CDT1: variants seen among roughly 807,000 people sequenced by gnomAD.
CDT1 encodes chromatin licensing and DNA replication factor 1.
CDT1 carries 66 observed loss-of-function variants against 49.3 expected under a neutral mutation model. That is an observed-to-expected ratio of 1.34 (90% confidence interval 1.10 to 1.64). The LOEUF (loss-of-function observed/expected upper bound fraction) is 1.64, where lower values mean the gene tolerates loss of function less well. Ranked by LOEUF, CDT1 falls within the 40% of genes most tolerant of loss-of-function variation. The pLI, the probability that CDT1 is intolerant of heterozygous loss-of-function variation, is 0.00. For synonymous variants in CDT1, 424 were observed against 347.4 expected, an observed-to-expected ratio of 1.22 and a Z score of -2.45; for missense variants, 958 against 807.7, an observed-to-expected ratio of 1.19 and a Z score of -2.26.
chr16:88,806,456 C>G (rs751930506), intron 6 of CDT1, 30 bp from the exon 7 acceptor site: 12 of 1,605,448 alleles, frequency 7.5e-6, no homozygotes, highest in Non-Finnish European at 1.0e-5. Context: ...CAGATGTGCC[C>G]AGGGTCACCC....
In CDT1 at chr16:88,804,635, C is replaced by A; in HGVS notation, c.319C>A (p.Gln107Lys). 6.2e-7 allele frequency: 1 copy of A among 1,612,622 alleles called. No individual in the cohort carries two copies. ...AAAGAAATCCACCCCGGCAGCAGGT[C>A]AGCCGCCCCACCTGACATCCGCGCA... is the stretch of plus-strand genomic sequence containing the variant. ...KIKKSTPAAG[Q>K]PPHLTSAQDQ... Residue 107 changes from glutamine (Q) to lysine (K), a missense_variant, in exon 2 of 10, where the codon CAG (glutamine) becomes AAG (lysine). By Grantham distance (53) the Gln-to-Lys change is moderately conservative. Coordinates refer to ENST00000301019, the MANE Select transcript of CDT1 (RefSeq NM_030928.4).
At chr16:88,807,529 G>T (rs1908913105) in intron 9 of CDT1, 47 bp downstream of exon 9, 11 of 1,556,296 alleles carry the variant, frequency 7.1e-6, no homozygotes, top group Non-Finnish European at 9.7e-6. Flanking sequence ...GAATTGCCTG[G>T]TGCTGCAGCT....
chr16:88,804,714 G>GGCCT (rs747751533), intron 2 of CDT1, 47 bp downstream of exon 2: 56 of 1,612,064 alleles, frequency 3.5e-5, no homozygotes, highest in South Asian at 6.6e-5. Flanking sequence ...GAGTGGTGCC[G>GGCCT]GCCTGCCTGC....
Position 88,805,572 on chromosome 16 carries a change from C to T in CDT1, c.621C>T (p.Leu207=), listed in dbSNP as rs777377390. 28 of 1,612,784 alleles carry T rather than the reference C, an allele frequency of 1.7e-5. No individual in the cohort carries two copies. The highest frequency in any genetic ancestry group is 2.2e-5 in the Non-Finnish European group (26 of 1,179,988). ...GCATGGACACCATCGTGGGCATGCT[C>T]CACAACCGCTCCGAGACGCCCACCT... ...FRSMDTIVGM[L]HNRSETPTFA... The change falls in exon 4 of 10, where the codon CTC becomes CTT. Residue 207 remains leucine (L), a synonymous_variant. Coordinates refer to ENST00000301019, the MANE Select transcript of CDT1 (RefSeq NM_030928.4).
At chr16:88,804,462 G>A in intron 1 of CDT1, 83 bp from the exon 2 acceptor site, 1 of 1,538,620 alleles carries the variant, frequency 6.5e-7, no homozygotes, top group Non-Finnish European at 8.8e-7. Context: ...AACTCAGAGC[G>A]GCTTCTGATC....
At chr16:88,807,554 C>G in intron 9 of CDT1, 72 bp downstream of exon 9, 6 of 1,376,364 alleles carry the variant, frequency 4.4e-6, no homozygotes, top group Non-Finnish European at 6.1e-6. Flanking sequence ...CCCCAGCTTT[C>G]TGAGCAGAGG....
rs753556386 is a variant in CDT1 at position 88,807,203 on chromosome 16, G to C, written c.1275G>C (p.Arg425=). ...LKGVSQDLLE[R]IRAKEAQKQL... ...GGGTGTCCCAGGATCTGCTGGAGCG[G>C]GTGAGTCGTCCCCAGTGATGGCGGG... Residue 425 remains arginine, a splice_region_variant and synonymous_variant, in exon 8 of 10, where the codon CGG becomes CGC. Transcript: ENST00000301019. 8 of 1,612,228 alleles carry C rather than the reference G, an allele frequency of 5.0e-6. No homozygotes were observed. In the African/African-American group the frequency reaches 9.3e-5, roughly 19 times the overall value.
At position 88,804,031 on chromosome 16, in the gene CDT1, G is replaced by T. The variant is rs1433286943; in HGVS notation, c.200G>T (p.Arg67Leu). Reference protein sequence around the residue: ...PGRDQARPPARRRLRLSVDEV... With the variant: ...PGRDQARPPALRRLRLSVDEV... ...CGCGACCAGGCCAGGCCACCGGCCC[G>T]CAGGAGACTGCGGCTGTCGGTGGAC... Residue 67 changes from arginine (R) to leucine (L), a missense_variant, in exon 1 of 10, where the codon CGC (arginine) becomes CTC (leucine). Physicochemically the swap from Arg to Leu is moderately radical, Grantham distance 102. Coordinates refer to ENST00000301019, the MANE Select transcript of CDT1 (RefSeq NM_030928.4). 13 of 1,456,032 alleles carry T rather than the reference G, an allele frequency of 8.9e-6. 1 individual carries two copies. The South Asian group carries it at 1.7e-4, about 19-fold the overall frequency. The allele number at this position is 1,456,032 out of a possible 1,614,324, so 90.2% of individuals were successfully genotyped here.
chr16:88,805,699 C>G (rs767280942), intron 4 of CDT1, 25 bp from the exon 5 acceptor site: 1 of 1,612,754 alleles, frequency 6.2e-7, no homozygotes, highest in Admixed American at 1.7e-5. Context: ...GGCCTGCCTC[C>G]TGAGCCGCCC....
At chr16:88,804,127 C>A in intron 1 of CDT1, 68 bp downstream of exon 1, 1 of 1,024,704 alleles carries the variant, frequency 9.8e-7, no homozygotes, top group African/African-American at 1.7e-5. Flanking sequence ...GGGGGCAGGG[C>A]TCGGGGAAAC....
chr16:88,807,239 G>A, intron 8 of CDT1, 36 bp downstream of exon 8: 1 of 1,611,068 alleles, frequency 6.2e-7, no homozygotes, highest in Non-Finnish European at 8.5e-7. Flanking sequence ...TGGGCGCCTG[G>A]TGACCTGCTG....
Position 88,806,432 on chromosome 16 carries a change from G to T in CDT1, c.934-54G>T, listed in dbSNP as rs1305235673. 11 of 1,586,266 alleles carry T rather than the reference G, an allele frequency of 6.9e-6. No individual in the cohort carries two copies. In the East Asian group the frequency reaches 2.3e-4, roughly 33 times the overall value. ...TAAGCACAGGCCTACCTCACATGCA[G>T]TCTGCCCTTGTCTCAGATGTGCCCA... On this transcript the variant is annotated intron_variant, in intron 6 of 9. Coordinates refer to ENST00000301019, the MANE Select transcript of CDT1 (RefSeq NM_030928.4).
chr16:88,807,982 C>T lies in CDT1; in HGVS notation c.1478-133C>T, dbSNP rs554989861. 3.6e-4 allele frequency: 354 copies of T among 971,202 alleles called. 1 individual carries two copies. The African/African-American group carries it at 5.1e-3, about 14-fold the overall frequency. The allele number at this position is 971,202 out of a possible 1,614,324, so 60.2% of individuals were successfully genotyped here. ...GGCCTCTGATCAGAACCACCTCTGC[C>T]CTAAGTCCTGGTGATGGGGCCCTGA... is the stretch of plus-strand genomic sequence containing the variant. On this transcript the variant is annotated intron_variant, in intron 9 of 9. Transcript: ENST00000301019.
chr16:88,804,801 C>A lies in CDT1; in HGVS notation c.391C>A (p.Arg131=). ...SELASCLQRA[R]ELGARVRALK... ...GCTTGCGTCATGCCTGCAACGGGCC[C>A]GGGAGCTGGGGGCAAGAGTCCGGGC... is the stretch of plus-strand genomic sequence containing the variant. The change falls in exon 3 of 10, where the codon CGG becomes AGG. Residue 131 remains arginine, a synonymous_variant. Transcript: ENST00000301019. 6.2e-7 allele frequency: 1 copy of A among 1,612,738 alleles called. No homozygotes were observed. Among genetic ancestry groups the A allele is most frequent in the South Asian group, 1.1e-5 (1 of 91,088 alleles).
At position 88,805,655 on chromosome 16, in the gene CDT1, G is replaced by T; in HGVS notation, c.686+18G>T. 1 of 1,612,586 alleles carries T rather than the reference G, an allele frequency of 6.2e-7. No homozygotes were observed. The highest frequency in any genetic ancestry group is 8.5e-7 in the Non-Finnish European group (1 of 1,179,950). ...ATGCGTAGGTGAGTGGCCGGGGGTG[G>T]GCTGTGGCTGTCCTGGAGTTGGGGG... On this transcript the variant is annotated intron_variant, in intron 4 of 9. Transcript: ENST00000301019.
rs761217952 is a variant in CDT1 at position 88,805,914 on chromosome 16, C to T, written c.832+45C>T. On this transcript the variant is annotated intron_variant, in intron 5 of 9. Transcript: ENST00000301019. ...CCTCGGTTTCCCCATCTGTGAGCCGCACAGTTTCCAGGGTGGGTGTGAGGT... is the reference window on the plus strand; with the variant it reads ...CCTCGGTTTCCCCATCTGTGAGCCGTACAGTTTCCAGGGTGGGTGTGAGGT... The T allele has an allele frequency of 4.4e-6, 7 of 1,604,758 alleles. No individual in the cohort carries two copies. In the Admixed American group the frequency reaches 1.0e-4, roughly 23 times the overall value.
chr16:88,806,814 G>A, intron 7 of CDT1, 140 bp downstream of exon 7: 1 of 1,255,604 alleles, frequency 8.0e-7, no homozygotes, highest in South Asian at 1.4e-5. Flanking sequence ...CAGAGAGTTG[G>A]TGGCATTTGC....
Position 88,808,470 on chromosome 16 carries a change from G to A in CDT1, c.*192G>A. ...TGCGGGCGGTGGGCCCCTTCATGGG[G>A]CTCACCTGGTGGATTCACATTAAAC... On this transcript the variant is annotated 3_prime_UTR_variant, in exon 10 of 10. Coordinates refer to ENST00000301019, the MANE Select transcript of CDT1 (RefSeq NM_030928.4). The A allele has an allele frequency of 1.6e-6, 1 of 632,796 alleles. No homozygotes were observed. Among genetic ancestry groups the A allele is most frequent in the Non-Finnish European group, 2.7e-6 (1 of 368,042 alleles). 39.2% of individuals were successfully genotyped at this position (632,796 alleles called of 1,614,324 possible).
intron 1 of CDT1, 51 bp downstream of exon 1, chr16:88,804,110 A>G (rs1446010635): frequency 3.5e-6 from 4 of 1,132,380 alleles, no homozygotes; most frequent in Non-Finnish European, 3.4e-6. Context: ...GGGGAGACTG[A>G]GGCCCGGGGG....
Sources: allele counts gnomAD v4.1 joint callset, GRCh38; gene constraint gnomAD v4.1.1; transcripts MANE v1.5; gene names NCBI Gene and HGNC (gene_info 2026-07-23, HGNC 2026-07-21).